NIT1: variants seen among roughly 807,000 people sequenced by gnomAD.
NIT1 encodes the protein deaminated glutathione amidase.
Under a neutral mutation model 36.8 loss-of-function variants are expected in NIT1, and 30 were observed. That is an observed-to-expected ratio of 0.82 (90% CI 0.61 to 1.11). The LOEUF (loss-of-function observed/expected upper bound fraction) is 1.11, where lower values mean the gene tolerates loss of function less well. NIT1 is among the 50% of genes least tolerant of loss of function. The pLI is 0.00. For synonymous variants in NIT1, 151 were observed against 155.6 expected (o/e 0.97, Z 0.22); for missense variants, 438 against 410.6 (o/e 1.07, Z -0.58).
At chr1:161,119,675 T>C (rs1325394251) in intron 4 of NIT1, 63 bp downstream of exon 4, 6 of 1,560,748 alleles carry the variant, frequency 3.8e-6, no homozygotes, top group Non-Finnish European at 8.8e-7. Context: ...TTCTCCAGAA[T>C]TGTTTCTCAA....
chr1:161,119,569 G>A lies in NIT1; in HGVS notation c.414G>A (p.Gln138=). The change falls in exon 4 of 7, where the codon CAG becomes CAA. Residue 138 remains glutamine (Q), a synonymous_variant. Transcript: ENST00000368009. ...ATGAGCGTGGCCAAGACTGGGAGCA[G>A]ACTCAGAAAATCTACAATTGTCACG... ...GFHERGQDWE[Q]TQKIYNCHVL... is the part of the protein sequence containing the mutation. 1 of 1,614,186 alleles carries A rather than the reference G, an allele frequency of 6.2e-7. No individual in the cohort carries two copies.
chr1:161,119,873 G>T lies in NIT1; in HGVS notation c.512G>T (p.Gly171Val). ...KTHLCDVEIPGQGPMCESNST... is the reference protein window; with the variant it reads ...KTHLCDVEIPVQGPMCESNST... ...CATCTGTGTGACGTAGAGATTCCAGGGCAGGGGCCTATGTGTGAAAGCAAC... is the reference window on the plus strand; with the variant it reads ...CATCTGTGTGACGTAGAGATTCCAGTGCAGGGGCCTATGTGTGAAAGCAAC... Residue 171 changes from glycine (G) to valine (V), a missense_variant, in exon 5 of 7, where the codon GGG becomes GTG. Transcript: ENST00000368009. 1 of 1,613,130 alleles carries T rather than the reference G, an allele frequency of 6.2e-7. No individual in the cohort carries two copies. Among genetic ancestry groups the T allele is most frequent in the Non-Finnish European group, 8.5e-7 (1 of 1,179,718 alleles).
chr1:161,123,032 C>G, downstream of NIT1: 4 of 1,614,180 alleles, frequency 2.5e-6, no homozygotes, highest in Non-Finnish European at 3.4e-6. Context: ...TTTATATTCT[C>G]CTTCAAGTCT....
Position 161,119,141 on chromosome 1 carries a change from G to A in NIT1, c.106G>A (p.Ala36Thr). ...SVLCAQPRPR[A>T]MAISSSSCEL... The stretch of plus-strand genomic sequence containing the variant: ...TGCCTATGCTGTTCACAGGCCCAGA[G>A]CCATGGCTATCTCCTCTTCCTCCTG... The change falls in exon 3 of 7, where the codon GCC (alanine) becomes ACC (threonine). Residue 36 changes from alanine (A) to threonine (T), a missense_variant. Coordinates refer to ENST00000368009, the MANE Select transcript of NIT1 (RefSeq NM_005600.3). The A allele has an allele frequency of 1.2e-6, 2 of 1,613,690 alleles. No homozygotes were observed. Among genetic ancestry groups the A allele is most frequent in the South Asian group, 1.1e-5 (1 of 91,062 alleles).
At chr1:161,121,271 C>A, downstream of NIT1, 1 of 769,706 alleles carries the variant, frequency 1.3e-6, no homozygotes, top group Non-Finnish European at 1.6e-6. Context: ...AAAGGAATTA[C>A]TTCACTTACA....
chr1:161,124,509 G>A (rs368711764), downstream of NIT1: 17 of 1,563,790 alleles, frequency 1.1e-5, no homozygotes, highest in South Asian at 1.8e-4. Flanking sequence ...CTGCTCAGCA[G>A]CTGCAATCCC....
At chr1:161,124,521 A>G, downstream of NIT1, 1 of 1,551,860 alleles carries the variant, frequency 6.4e-7, no homozygotes, top group Admixed American at 1.8e-5. Context: ...TGCAATCCCC[A>G]CCGTACTGAA....
In NIT1 at chr1:161,118,195, A is replaced by G. The variant is rs1655040242; in HGVS notation, c.2+17A>G. ...TATCTTCATGTAGGACCTACTCCCTATCCCGTCGGCCGCGGTGAATCCCAC... is the reference window on the plus strand; with the variant it reads ...TATCTTCATGTAGGACCTACTCCCTGTCCCGTCGGCCGCGGTGAATCCCAC... On this transcript the variant is annotated intron_variant, in intron 1 of 6. Coordinates refer to ENST00000368009, the MANE Select transcript of NIT1 (RefSeq NM_005600.3). 2 of 1,613,998 alleles carry G rather than the reference A, an allele frequency of 1.2e-6. No homozygotes were observed. Among genetic ancestry groups the G allele is most frequent in the Non-Finnish European group, 1.7e-6 (2 of 1,179,916 alleles).
Position 161,120,612 on chromosome 1 carries a change from C to T in NIT1, c.831C>T (p.Pro277=), listed in dbSNP as rs1363958459. Reference sequence around the variant, plus strand: ...ATGGCCACAGCATGGTGGTAGACCCCTGGGGAACAGTGGTGGCCCGCTGCT... The same window carrying T: ...ATGGCCACAGCATGGTGGTAGACCCTTGGGGAACAGTGGTGGCCCGCTGCT... ...ASYGHSMVVD[P]WGTVVARCSE... is the part of the protein sequence containing the mutation. The change falls in exon 7 of 7, where the codon CCC becomes CCT. Residue 277 remains proline (P), a synonymous_variant. Transcript: ENST00000368009. The T allele has an allele frequency of 6.2e-7, 1 of 1,614,190 alleles. No individual in the cohort carries two copies. Among genetic ancestry groups the T allele is most frequent in the Middle Eastern group, 1.6e-4 (1 of 6,062 alleles).
downstream of NIT1, chr1:161,123,134 C>T: frequency 6.2e-7 from 1 of 1,614,190 alleles, no homozygotes; most frequent in Non-Finnish European, 8.5e-7. Flanking sequence ...TCGCTGGCTC[C>T]CAAGTGTGGC....
At chr1:161,123,745 A>G (rs1187846933), downstream of NIT1, 7 of 1,135,426 alleles carry the variant, frequency 6.2e-6, no homozygotes, top group African/African-American at 6.3e-5. Context: ...GGCGCACAGC[A>G]TCCTTTCATT....
downstream of NIT1, chr1:161,121,897 C>G: frequency 2.1e-6 from 1 of 468,378 alleles, no homozygotes; most frequent in Non-Finnish European, 3.8e-6. Flanking sequence ...TCTTACGGCT[C>G]AGTGGTAAGG....
At chr1:161,118,421 T>C in intron 1 of NIT1, 1 of 1,535,008 alleles carries the variant, frequency 6.5e-7, no homozygotes, top group Non-Finnish European at 8.7e-7. Flanking sequence ...AAAGGGGAAA[T>C]ATGCTTCGAG....
At chr1:161,120,058 G>A in intron 5 of NIT1, 49 bp from the exon 6 acceptor site, 1 of 1,612,260 alleles carries the variant, frequency 6.2e-7, no homozygotes, top group South Asian at 1.1e-5. Flanking sequence ...ACTAGATGCT[G>A]TGACAAACAG....
downstream of NIT1, chr1:161,122,612 A>G (rs1164725273): frequency 4.0e-6 from 6 of 1,490,718 alleles, no homozygotes; most frequent in Non-Finnish European, 5.4e-6. The surrounding 1 kb of genome is among the most constrained non-coding windows in gnomAD (Gnocchi z 4.2). Flanking sequence ...GCACAACAGA[A>G]TAAAAAAGTA....
chr1:161,123,048 A>G, downstream of NIT1: 1 of 1,614,202 alleles, frequency 6.2e-7, no homozygotes, highest in Non-Finnish European at 8.5e-7. Context: ...AGTCTGCTCC[A>G]TCTCTGGAAC....
chr1:161,123,505 G>A (rs929026425), downstream of NIT1, among the ~76,000 whole-genome samples: 5 of 151,932 alleles, frequency 3.3e-5, no homozygotes, highest in Non-Finnish European at 7.4e-5. Flanking sequence ...GCGTGCTGGC[G>A]GGCGCCTGTA....
chr1:161,119,511 A>C lies in NIT1; in HGVS notation c.356A>C (p.Glu119Ala), dbSNP rs757151544. 1.9e-5 allele frequency: 31 copies of C among 1,613,920 alleles called. No homozygotes were observed. The highest frequency in any genetic ancestry group is 2.4e-5 in the Non-Finnish European group (28 of 1,179,928). ...LLEEYTQLAR[E>A]CGLWLSLGGF... ...TTGTCAGTGTCCCTTCCCCCCAGGG[A>C]ATGTGGACTCTGGCTGTCCTTGGGT... The change falls in exon 4 of 7, where the codon GAA (glutamate) becomes GCA (alanine). Residue 119 changes from glutamate to alanine, a missense_variant and splice_region_variant. Glu to Ala is a moderately radical substitution (Grantham distance 107). Coordinates refer to ENST00000368009, the MANE Select transcript of NIT1 (RefSeq NM_005600.3).
At chr1:161,120,331 GA>G in intron 6 of NIT1, 99 bp downstream of exon 6, 1 of 1,504,144 alleles carries the variant, frequency 6.6e-7, no homozygotes, top group Non-Finnish European at 9.1e-7. Context: ...CACCTAATGG[GA>G]AAACTCATTC....
Sources: allele counts gnomAD v4.1 joint callset (sites outside exome capture counted in the v4.1 genomes callset), GRCh38; gene constraint gnomAD v4.1.1; non-coding constraint Gnocchi (gnomAD v3.1); transcripts MANE v1.5; gene names NCBI Gene and HGNC (gene_info 2026-07-23, HGNC 2026-07-21).